Variants in LRRC9 observed in about 807,000 individuals in gnomAD.
The protein encoded by LRRC9 is leucine rich repeat containing 9.
A neutral mutation model predicts 63.2 loss-of-function variants in LRRC9; 122 were observed. The observed-to-expected ratio is 1.93, with a 90% CI of 1.67 to 2.24. The LOEUF (loss-of-function observed/expected upper bound fraction) is 2.24, where lower values mean the gene tolerates loss of function less well. Ranked by LOEUF, LRRC9 falls within the 30% of genes most tolerant of loss-of-function variation. LRRC9 has a pLI of 0.00. For missense variants in LRRC9, 1,071 were observed against 627.7 expected, an observed-to-expected ratio of 1.71 and a Z score of -7.55; for synonymous variants, 366 against 213.1, an observed-to-expected ratio of 1.72 and a Z score of -6.25.
rs1315238299 is a variant in LRRC9 at position 60,004,938 on chromosome 14, T to A, written c.2842+1140T>A. Among the ~76,000 whole-genome samples the A allele has an allele frequency of 1.3e-5, 2 of 151,984 alleles. No individual in the cohort carries two copies. The highest frequency in any genetic ancestry group is 2.9e-5 in the Non-Finnish European group (2 of 67,914). The stretch of plus-strand genomic sequence containing the variant: ...AATAAAGAATATTTCTGTATGTGCA[T>A]TTTGGTAACATGGTTGTGTTTGTCA... On this transcript the variant is annotated intron_variant, in intron 21 of 31. Coordinates refer to ENST00000445360, the Ensembl canonical transcript of LRRC9. The surrounding 1 kb of genome is among the most constrained non-coding windows in gnomAD (Gnocchi z 4.8).
At chr14:59,931,794 G>T in intron 5 of LRRC9, 112 bp downstream of exon 5, 3 of 608,186 alleles carry the variant, frequency 4.9e-6, no homozygotes, top group Non-Finnish European at 5.8e-6. Context: ...TGACATATTT[G>T]CAAAGCATAT....
Position 59,938,527 on chromosome 14 carries a change from T to G in LRRC9, c.681T>G (p.Phe227Leu). ...ATCATTTGCCTTGCCTTCAAAGATTTGACACATTGGATGTGTCAGCAAAGC... is the reference window on the plus strand; with the variant it reads ...ATCATTTGCCTTGCCTTCAAAGATTGGACACATTGGATGTGTCAGCAAAGC... The change falls in exon 7 of 32, where the codon TTT becomes TTG. Residue 227 changes from phenylalanine (F) to leucine (L), a missense_variant. Transcript: ENST00000445360. The surrounding 1 kb of genome is among the most constrained non-coding windows in gnomAD (Gnocchi z 4.2). 1.4e-6 allele frequency: 1 copy of G among 697,598 alleles called. No individual in the cohort carries two copies. Among genetic ancestry groups the G allele is most frequent in the Non-Finnish European group, 2.6e-6 (1 of 382,634 alleles). The allele number at this position is 697,598 out of a possible 1,614,324, so 43.2% of individuals were successfully genotyped here.
In LRRC9 at chr14:60,020,777, T is replaced by G. The variant is rs936280963; in HGVS notation, c.3566+1517T>G. ...TCAGCATGATGTTTTCAAGGTTCAT[T>G]CACATTATGGCATGTGTTAGTAGTT... is the stretch of plus-strand genomic sequence containing the variant. On this transcript the variant is annotated intron_variant, in intron 26 of 31. Coordinates refer to ENST00000445360, the Ensembl canonical transcript of LRRC9. Among the ~76,000 whole-genome samples the G allele has an allele frequency of 1.1e-4, 16 of 151,956 alleles. 1 individual carries two copies. The highest frequency in any genetic ancestry group is 9.9e-4 in the Admixed American group (15 of 15,204).
chr14:60,031,562 C>T lies in LRRC9; in HGVS notation c.3922-433C>T, dbSNP rs75672523. ...TATATTCCCAGCAAGTACATCAAGA[C>T]GCAATCCACTCAATATTACACATTC... On this transcript the variant is annotated intron_variant, in intron 28 of 31. Coordinates refer to ENST00000445360, the Ensembl canonical transcript of LRRC9. The surrounding 1 kb of genome is among the most constrained non-coding windows in gnomAD (Gnocchi z 4.6). Among the ~76,000 whole-genome samples, 101 of 152,088 alleles carry T rather than the reference C, an allele frequency of 6.6e-4. No homozygotes were observed. The highest frequency in any genetic ancestry group is 3.4e-3 in the Middle Eastern group (1 of 294).
Position 59,964,815 on chromosome 14 carries a change from G to A in LRRC9, c.1212-1774G>A, listed in dbSNP as rs1012159633. Among the ~76,000 whole-genome samples, 1 of 114,820 alleles carries A rather than the reference G, an allele frequency of 8.7e-6. No individual in the cohort carries two copies. The highest frequency in any genetic ancestry group is 4.1e-4 in the East Asian group (1 of 2,462). The allele number at this position is 114,820 out of a possible 152,430, so 75.3% of individuals were successfully genotyped here. A position where few individuals can be genotyped will look rare whatever the true frequency, so the allele number is the denominator to read the frequency against. On this transcript the variant is annotated intron_variant, in intron 10 of 31. Coordinates refer to ENST00000445360, the Ensembl canonical transcript of LRRC9. The surrounding 1 kb of genome is among the most constrained non-coding windows in gnomAD (Gnocchi z 4.4). ...CTTGATTGCAACACTATTCATATCT[G>A]TCTCCTCTACCAGACTGCGAGCTCC...
exon 10 of LRRC9, chr14:59,961,029 A>G: frequency 1.5e-6 from 1 of 684,356 alleles, no homozygotes; most frequent in East Asian, 2.7e-5. Context: ...TGAAGAAGGC[A>G]CTCGATCTGA....
At chr14:59,920,664 G>T (rs1888695413) in intron 1 of LRRC9, among the ~76,000 whole-genome samples, 1 of 152,114 alleles carries the variant, frequency 6.6e-6, no homozygotes, top group East Asian at 1.9e-4. Flanking sequence ...TATACCCAAA[G>T]GAGGAAATAA....
At chr14:60,037,468 T>A (rs981927396) in intron 29 of LRRC9, among the ~76,000 whole-genome samples, 1 of 152,228 alleles carries the variant, frequency 6.6e-6, no homozygotes, top group African/African-American at 2.4e-5. Flanking sequence ...CTAACTGGTG[T>A]GAGATGGTAT....
At chr14:60,066,108 C>T (rs1029930955), downstream of LRRC9, among the ~76,000 whole-genome samples, 2 of 152,000 alleles carry the variant, frequency 1.3e-5, no homozygotes, top group Non-Finnish European at 2.9e-5. Flanking sequence ...CATGAGCCAC[C>T]ATGCCTGGCC....
chr14:59,995,560 G>C (rs1174679904), intron 17 of LRRC9, among the ~76,000 whole-genome samples: 2 of 152,144 alleles, frequency 1.3e-5, no homozygotes, highest in Non-Finnish European at 2.9e-5. Flanking sequence ...ACTGTAACTT[G>C]AGAGATTTTT....
chr14:60,006,909 T>G (rs1889854683), intron 22 of LRRC9, among the ~76,000 whole-genome samples: 1 of 152,184 alleles, frequency 6.6e-6, no homozygotes, highest in African/African-American at 2.4e-5. Context: ...CAATTCGTGA[T>G]GATCTTTCAC....
At chr14:59,973,423 G>A (rs1885757145) in intron 12 of LRRC9, 1 of 152,030 alleles carries the variant, frequency 6.6e-6, no homozygotes, top group Admixed American at 6.6e-5. Context: ...ACTGGGGTGT[G>A]GAATTTGTGG....
At chr14:59,937,328 A>G (rs1328468288) in intron 6 of LRRC9, among the ~76,000 whole-genome samples, 1 of 151,320 alleles carries the variant, frequency 6.6e-6, no homozygotes, top group Non-Finnish European at 1.5e-5. Context: ...CTTTTTTTGT[A>G]GACTGGGGAC....
At chr14:60,043,940 T>G (rs1356842348) in intron 29 of LRRC9, among the ~76,000 whole-genome samples, 1 of 151,802 alleles carries the variant, frequency 6.6e-6, no homozygotes, top group East Asian at 1.9e-4. Flanking sequence ...GTACTGGGCT[T>G]TTCTTTTATG....
intron 12 of LRRC9, among the ~76,000 whole-genome samples, chr14:59,967,975 T>C (rs1449232660): frequency 4.6e-5 from 7 of 152,206 alleles, no homozygotes; most frequent in Non-Finnish European, 1.0e-4. Context: ...GGTACACCAG[T>C]GTTCATGACA....
At chr14:60,061,470 TTG>T (rs1894654588) in intron 31 of LRRC9, among the ~76,000 whole-genome samples, 2 of 152,190 alleles carry the variant, frequency 1.3e-5, no homozygotes, top group South Asian at 4.1e-4. Flanking sequence ...GGTATGTACA[TTG>T]TTTTTTTAAA....
In LRRC9 at chr14:60,042,754, G is replaced by T. The variant is rs1191942506; in HGVS notation, c.3991-10311G>T. On this transcript the variant is annotated intron_variant, in intron 29 of 31. Coordinates refer to ENST00000445360, the Ensembl canonical transcript of LRRC9. The surrounding 1 kb of genome is among the most constrained non-coding windows in gnomAD (Gnocchi z 4.2). ...TCATGCTCCGTGGGCTGCACCTATT[G>T]TCCGACAAGCCCCAGTGAGATGAAC... Among the ~76,000 whole-genome samples, 4 of 152,040 alleles carry T rather than the reference G, an allele frequency of 2.6e-5. No individual in the cohort carries two copies. The highest frequency in any genetic ancestry group is 2.4e-5 in the African/African-American group (1 of 41,406).
chr14:59,991,680 A>G (rs931023554), intron 17 of LRRC9, among the ~76,000 whole-genome samples: 10 of 151,746 alleles, frequency 6.6e-5, no homozygotes, highest in Admixed American at 3.9e-4. Context: ...TCCCGCGCAT[A>G]GCTCGGAGGG....
At chr14:59,943,936 C>G (rs1012053686) in intron 7 of LRRC9, among the ~76,000 whole-genome samples, 1 of 151,988 alleles carries the variant, frequency 6.6e-6, no homozygotes. Flanking sequence ...TGTTTATGGT[C>G]TCCTCAGATA....
Sources: allele counts gnomAD v4.1 joint callset (sites outside exome capture counted in the v4.1 genomes callset), GRCh38; gene constraint gnomAD v4.1.1; non-coding constraint Gnocchi (gnomAD v3.1); transcripts MANE v1.5; gene names NCBI Gene and HGNC (gene_info 2026-07-23, HGNC 2026-07-21).